Variants in KANSL1 observed in about 807,000 individuals in gnomAD.
KANSL1 encodes MLL1/MLL complex subunit KANSL1.
In KANSL1, 22 loss-of-function variants were observed where a neutral mutation model predicts 103.6. That is an observed-to-expected ratio of 0.21 (90% confidence interval 0.15 to 0.30). The LOEUF (loss-of-function observed/expected upper bound fraction) is 0.30. Ranked by LOEUF, KANSL1 falls within the 10% of genes least tolerant of loss-of-function variation. The probability of loss-of-function intolerance (pLI) is 1.00; values close to 1 mark genes in which losing one functional copy is unlikely to be tolerated. For missense variants in KANSL1, 1,337 were observed against 1,399.8 expected (o/e 0.96, Z 0.72); for synonymous variants, 600 against 527.6 (o/e 1.14, Z -1.88).
intron 1 of KANSL1, among the ~76,000 whole-genome samples, chr17:46,219,667 A>G (rs1173453169): frequency 6.6e-6 from 1 of 152,282 alleles, no homozygotes; most frequent in Non-Finnish European, 1.5e-5. Flanking sequence ...CGTCTGGCCA[A>G]GTTAAATTTT....
chr17:46,158,425 C>T (rs1198799997), intron 2 of KANSL1, among the ~76,000 whole-genome samples: 1 of 150,916 alleles, frequency 6.6e-6, no homozygotes, highest in African/African-American at 2.4e-5. Flanking sequence ...GTGGCACGAT[C>T]GATCTCGGCT....
At chr17:46,177,636 CTTTT>C (rs2046586174) in intron 1 of KANSL1, among the ~76,000 whole-genome samples, 1 of 152,104 alleles carries the variant, frequency 6.6e-6, no homozygotes. Context: ...GGTTAAGATT[CTTTT>C]GTCTTTTGTT....
chr17:46,148,674 C>T (rs1023505097), intron 2 of KANSL1, among the ~76,000 whole-genome samples: 1 of 151,802 alleles, frequency 6.6e-6, no homozygotes, highest in Non-Finnish European at 1.5e-5. Context: ...GCAACCTCTA[C>T]CTCCTGGGTT....
intron 1 of KANSL1, among the ~76,000 whole-genome samples, chr17:46,205,150 G>GC (rs2047922072): frequency 6.6e-6 from 1 of 151,760 alleles, no homozygotes; most frequent in Non-Finnish European, 1.5e-5. Flanking sequence ...AATCACTCAG[G>GC]CTTAAAAAAA....
At chr17:46,139,032 A>T (rs1013394685) in intron 2 of KANSL1, among the ~76,000 whole-genome samples, 5 of 152,246 alleles carry the variant, frequency 3.3e-5, no homozygotes, top group Non-Finnish European at 2.9e-5. Context: ...ATCTGCTAAG[A>T]AGTCTTGAGT....
intron 1 of KANSL1, among the ~76,000 whole-genome samples, chr17:46,185,785 G>A (rs2047004037): frequency 6.6e-6 from 1 of 151,338 alleles, no homozygotes; most frequent in Admixed American, 6.6e-5. Flanking sequence ...TACTCTAGAA[G>A]TCAAGGTGGG....
chr17:46,217,062 C>G (rs1597989463), intron 1 of KANSL1, among the ~76,000 whole-genome samples: 1 of 148,160 alleles, frequency 6.7e-6, no homozygotes, highest in Admixed American at 6.8e-5. Context: ...TTGCAGTGAT[C>G]CAAGTGCCAC....
intron 6 of KANSL1, among the ~76,000 whole-genome samples, chr17:46,057,887 A>G (rs956635280): frequency 3.9e-5 from 6 of 152,230 alleles, no homozygotes; most frequent in Admixed American, 6.5e-5. Context: ...TAGCAGAGTA[A>G]TAGTGATCAG....
intron 8 of KANSL1, 82 bp from the exon 9 acceptor site, chr17:46,039,297 C>T (rs939768161): frequency 6.7e-6 from 9 of 1,339,548 alleles, no homozygotes; most frequent in South Asian, 1.5e-5. Context: ...CTCGAGTTCT[C>T]TCTAGGCCAA....
Position 46,050,784 on chromosome 17 carries a change from T to C in KANSL1, c.1849-80A>G, listed in dbSNP as rs996324753. ...ACCCATTTGTTATCCCCATTTGTTA[T>C]TGAGAAGTTAGCTCCCCATTTGTTA... On this transcript the variant is annotated intron_variant, in intron 6 of 14. Transcript: ENST00000432791. The C allele has an allele frequency of 2.3e-5, 30 of 1,323,286 alleles. No homozygotes were observed. In the East Asian group the frequency reaches 5.2e-4, roughly 23 times the overall value. 82.0% of individuals were successfully genotyped at this position (1,323,286 alleles called of 1,614,324 possible).
intron 2 of KANSL1, among the ~76,000 whole-genome samples, chr17:46,096,317 T>TTTC (rs1555760954): frequency 7.5e-6 from 1 of 133,308 alleles, no homozygotes; most frequent in African/African-American, 2.9e-5. Flanking sequence ...TTTTCTTTTT[T>TTTC]TTTTTTTTTT....
At chr17:46,059,667 A>G (rs985926000) in intron 6 of KANSL1, among the ~76,000 whole-genome samples, 4 of 97,126 alleles carry the variant, frequency 4.1e-5, no homozygotes, top group East Asian at 5.1e-4. Context: ...GAGAGAGAGA[A>G]AAGGAAACTG....
chr17:46,137,021 T>C (rs374346030), intron 2 of KANSL1, among the ~76,000 whole-genome samples: 8 of 152,202 alleles, frequency 5.3e-5, no homozygotes, highest in African/African-American at 9.6e-5. Context: ...CTTGAACACA[T>C]GTTTCTGCTG....
Position 46,210,310 on chromosome 17 carries a change from TA to T in KANSL1, c.-90+13360del, listed in dbSNP as rs781710588. ...CAACATGGTGAAACCCCAACTCTACTAAAAATACAAAAATTAGCTGGGTGTG... is the reference window on the plus strand; with the variant it reads ...CAACATGGTGAAACCCCAACTCTACTAAAATACAAAAATTAGCTGGGTGTG... On this transcript the variant is annotated intron_variant, in intron 1 of 14. Coordinates refer to the KANSL1 transcript ENST00000572904. Among the ~76,000 whole-genome samples, 3 of 151,870 alleles carry T rather than the reference TA, an allele frequency of 2.0e-5. No individual in the cohort carries two copies. In the East Asian group the frequency reaches 5.8e-4, roughly 29 times the overall value.
At chr17:46,094,765 TG>T in intron 2 of KANSL1, 64 bp from the exon 3 acceptor site, 15 of 1,592,238 alleles carry the variant, frequency 9.4e-6, no homozygotes, top group Non-Finnish European at 1.3e-5. Flanking sequence ...GATTGGGGGG[TG>T]GGGAGTGGAA....
chr17:46,095,924 AAAATAT>A (rs1445528407), intron 2 of KANSL1, among the ~76,000 whole-genome samples: 1 of 152,222 alleles, frequency 6.6e-6, no homozygotes, highest in Non-Finnish European at 1.5e-5. Flanking sequence ...AAATTTGGTT[AAAATAT>A]AAATATTAGG....
At chr17:46,073,367 T>C (rs1259074381) in intron 4 of KANSL1, among the ~76,000 whole-genome samples, 2 of 152,182 alleles carry the variant, frequency 1.3e-5, no homozygotes, top group East Asian at 3.8e-4. Context: ...AATGTGTTAC[T>C]TGTTAATTGC....
chr17:46,096,599 C>A (rs911410138), intron 2 of KANSL1, among the ~76,000 whole-genome samples: 1 of 151,856 alleles, frequency 6.6e-6, no homozygotes, highest in Non-Finnish European at 1.5e-5. Flanking sequence ...GGATTACAGG[C>A]ACGAGCCACT....
At chr17:46,162,068 TG>T (rs770041036) in intron 2 of KANSL1, among the ~76,000 whole-genome samples, 4 of 152,248 alleles carry the variant, frequency 2.6e-5, no homozygotes, top group Non-Finnish European at 5.9e-5. Context: ...GAATCAAAAC[TG>T]GTAAGATTTA....
Sources: allele counts gnomAD v4.1 joint callset (sites outside exome capture counted in the v4.1 genomes callset), GRCh38; gene constraint gnomAD v4.1.1; transcripts MANE v1.5; gene names NCBI Gene and HGNC (gene_info 2026-07-23, HGNC 2026-07-21).